Variants in DOCK5 observed in about 807,000 individuals in gnomAD.
DOCK5 encodes dedicator of cytokinesis 5.
Under a neutral mutation model 251.8 loss-of-function variants are expected in DOCK5, and 142 were observed. The observed-to-expected ratio is 0.56, with a 90% CI of 0.49 to 0.65. The LOEUF (loss-of-function observed/expected upper bound fraction) is 0.65. DOCK5 is among the 30% of genes least tolerant of loss of function. The pLI is 0.00. For synonymous variants in DOCK5, 842 were observed against 835.5 expected (o/e 1.01, Z -0.13); for missense variants, 2,111 against 2,312.3 (o/e 0.91, Z 1.79).
intron 18 of DOCK5, 27 bp downstream of exon 18, chr8:25,325,574 A>C: frequency 6.2e-7 from 1 of 1,607,728 alleles, no homozygotes. Context: ...CACTGACACA[A>C]ATAAGCTTCT....
chr8:25,410,070 C>T, intron 50 of DOCK5, 29 bp from the exon 51 acceptor site: 1 of 1,588,352 alleles, frequency 6.3e-7, no homozygotes, highest in Non-Finnish European at 8.6e-7. Flanking sequence ...GTGCCTCTCT[C>T]TGCCGCCTGC....
intron 1 of DOCK5, among the ~76,000 whole-genome samples, chr8:25,228,161 G>A (rs575738723): frequency 4.1e-4 from 63 of 152,246 alleles, no homozygotes; most frequent in African/African-American, 1.5e-3. Flanking sequence ...ACAGGTGTGC[G>A]CCACCATGCC....
chr8:25,265,987 C>A (rs920457376), intron 2 of DOCK5, among the ~76,000 whole-genome samples: 3 of 151,868 alleles, frequency 2.0e-5, no homozygotes, highest in Admixed American at 6.6e-5. Context: ...AAAGAGCAAC[C>A]CTCAGCATAG....
intron 1 of DOCK5, among the ~76,000 whole-genome samples, chr8:25,220,738 G>A (rs1237345206): frequency 1.3e-5 from 2 of 152,094 alleles, no homozygotes; most frequent in Non-Finnish European, 2.9e-5. Flanking sequence ...TCAGACTCCT[G>A]GGATTACAGA....
intron 24 of DOCK5, among the ~76,000 whole-genome samples, chr8:25,342,100 A>C (rs1175617161): frequency 6.6e-6 from 1 of 152,188 alleles, no homozygotes; most frequent in East Asian, 1.9e-4. Context: ...GTGCAAAGTC[A>C]GACTGCAATC....
intron 18 of DOCK5, among the ~76,000 whole-genome samples, chr8:25,326,266 G>A (rs1805560507): frequency 6.6e-6 from 1 of 152,172 alleles, no homozygotes; most frequent in African/African-American, 2.4e-5. Flanking sequence ...TGTAGAGACT[G>A]TTGCCTTTGG....
At chr8:25,260,103 A>T (rs1266024109) in intron 2 of DOCK5, among the ~76,000 whole-genome samples, 1 of 152,164 alleles carries the variant, frequency 6.6e-6, no homozygotes, top group Non-Finnish European at 1.5e-5. Context: ...TCCTGTGACG[A>T]GTTTGCACCC....
intron 2 of DOCK5, among the ~76,000 whole-genome samples, chr8:25,265,215 A>G (rs1803708118): frequency 6.6e-6 from 1 of 151,976 alleles, no homozygotes; most frequent in Non-Finnish European, 1.5e-5. Flanking sequence ...GACCAGTTAA[A>G]TCAGAATATT....
chr8:25,366,799 C>A, intron 30 of DOCK5, 71 bp from the exon 31 acceptor site: 1 of 1,138,008 alleles, frequency 8.8e-7, no homozygotes, highest in Non-Finnish European at 1.3e-6. Context: ...TACCATGTGA[C>A]ATTGTTTTAT....
At chr8:25,365,281 G>A (rs1800756844) in intron 30 of DOCK5, among the ~76,000 whole-genome samples, 1 of 152,208 alleles carries the variant, frequency 6.6e-6, no homozygotes, top group Admixed American at 6.5e-5. Flanking sequence ...AGGCAGATAA[G>A]TTCCTTGCTG....
intron 2 of DOCK5, among the ~76,000 whole-genome samples, chr8:25,252,154 T>G (rs1208220939): frequency 6.6e-6 from 1 of 152,176 alleles, no homozygotes; most frequent in African/African-American, 2.4e-5. Flanking sequence ...TCTGTTATGC[T>G]CTATGACAAT....
intron 40 of DOCK5, among the ~76,000 whole-genome samples, chr8:25,385,969 G>T (rs763311421): frequency 1.2e-4 from 19 of 152,226 alleles, no homozygotes; most frequent in Admixed American, 2.6e-4. Flanking sequence ...CAGACCTTGA[G>T]AATAGCAGGT....
intron 5 of DOCK5, among the ~76,000 whole-genome samples, chr8:25,280,972 G>GTT (rs74728067): frequency 1.2e-4 from 16 of 138,674 alleles, no homozygotes; most frequent in South Asian, 2.4e-4. Context: ...TGGGAAAGGA[G>GTT]TTTTTTTTTT....
chr8:25,318,592 CTTTTTT>C (rs546657586), intron 14 of DOCK5, among the ~76,000 whole-genome samples: 6 of 88,228 alleles, frequency 6.8e-5, no homozygotes, highest in African/African-American at 1.8e-4. Flanking sequence ...TTCTTTCCTT[CTTTTTT>C]TTTTTTTTTT....
chr8:25,202,289 A>G (rs537800294), intron 1 of DOCK5, among the ~76,000 whole-genome samples: 1 of 152,164 alleles, frequency 6.6e-6, no homozygotes, highest in Non-Finnish European at 1.5e-5. Context: ...AACTGTTGGC[A>G]TTACAGGTGT....
At chr8:25,200,033 C>T (rs931858807) in intron 1 of DOCK5, among the ~76,000 whole-genome samples, 2 of 152,214 alleles carry the variant, frequency 1.3e-5, no homozygotes, top group Non-Finnish European at 2.9e-5. Flanking sequence ...TATATACTTT[C>T]AATCAGTGGA....
intron 1 of DOCK5, among the ~76,000 whole-genome samples, chr8:25,216,105 T>C (rs374231583): frequency 7.2e-5 from 11 of 151,756 alleles, no homozygotes; most frequent in South Asian, 2.1e-4. Flanking sequence ...AATGTCTATA[T>C]GTGTATACAA....
intron 15 of DOCK5, 142 bp from the exon 16 acceptor site, chr8:25,320,838 C>T (rs1805404521): frequency 1.5e-6 from 1 of 667,418 alleles, no homozygotes; most frequent in Admixed American, 2.8e-5. Flanking sequence ...GCTCAGTCTC[C>T]TTTGAATGAA....
chr8:25,318,964 A>G (rs1163876859), intron 14 of DOCK5, among the ~76,000 whole-genome samples: 3 of 152,210 alleles, frequency 2.0e-5, no homozygotes, highest in African/African-American at 7.2e-5. Context: ...ACTGAATGCT[A>G]TGAGCCACTG....
Sources: allele counts gnomAD v4.1 joint callset (sites outside exome capture counted in the v4.1 genomes callset), GRCh38; gene constraint gnomAD v4.1.1; transcripts MANE v1.5; gene names NCBI Gene and HGNC (gene_info 2026-07-23, HGNC 2026-07-21).